The following PALLD variants were observed in gnomAD, a reference collection of about 807,000 sequenced individuals.
PALLD encodes palladin.
Under a neutral mutation model 123.5 loss-of-function variants are expected in PALLD, and 61 were observed. That is an observed-to-expected ratio of 0.49 (90% CI 0.40 to 0.61). The LOEUF is 0.61. Ranked by LOEUF, PALLD falls within the 20% of genes least tolerant of loss-of-function variation. The pLI is 0.00. For missense variants in PALLD, 1,273 were observed against 1,377.0 expected (o/e 0.92, Z 1.20); for synonymous variants, 465 against 496.4 (o/e 0.94, Z 0.84).
intron 11 of PALLD, 64 bp from the exon 12 acceptor site, chr4:168,894,515 A>C (rs1581956225): frequency 4.1e-6 from 4 of 973,150 alleles, no homozygotes; most frequent in South Asian, 1.4e-5. Context: ...ACTCTTTTTC[A>C]TAGGGCAGTA....
At chr4:168,497,871 G>T (rs537694916) in intron 1 of PALLD, among the ~76,000 whole-genome samples, 125 of 152,282 alleles carry the variant, frequency 8.2e-4, no homozygotes, top group Admixed American at 1.5e-3. Flanking sequence ...ACATGAAATT[G>T]TCTTGAATCC....
At chr4:168,613,743 T>C (rs528563647) in intron 2 of PALLD, among the ~76,000 whole-genome samples, 1 of 152,320 alleles carries the variant, frequency 6.6e-6, no homozygotes, top group South Asian at 2.1e-4. Context: ...AGACAGAGTG[T>C]GCCCCAAGTC....
At position 168,926,383 on chromosome 4, in the gene PALLD, T is replaced by A. The variant is rs1762582426; in HGVS notation, c.*203T>A. 6.5e-7 allele frequency: 1 copy of A among 1,536,034 alleles called. No homozygotes were observed. Among genetic ancestry groups the A allele is most frequent in the Non-Finnish European group, 8.7e-7 (1 of 1,145,766 alleles). On this transcript the variant is annotated 3_prime_UTR_variant, in exon 22 of 22. Coordinates refer to ENST00000505667, the MANE Select transcript of PALLD (RefSeq NM_001166108.2). ...TGCCTTGGTAGAAAGTGAGGACCTG[T>A]AATCCAGCATTCTTGTTAAAGCTGA...
intron 2 of PALLD, among the ~76,000 whole-genome samples, chr4:168,535,976 C>T (rs1765050443): frequency 6.6e-6 from 1 of 152,160 alleles, no homozygotes; most frequent in Non-Finnish European, 1.5e-5. Flanking sequence ...ACTCTCAGTA[C>T]CTTGGTGCCG....
chr4:168,738,041 T>C (rs1001844483), intron 10 of PALLD, among the ~76,000 whole-genome samples: 2 of 152,260 alleles, frequency 1.3e-5, no homozygotes, highest in African/African-American at 4.8e-5. Context: ...ACCATTCTTT[T>C]TCATTTTAAA....
chr4:168,830,257 A>G (rs147681251), intron 10 of PALLD, among the ~76,000 whole-genome samples: 22 of 141,512 alleles, frequency 1.6e-4, no homozygotes, highest in Non-Finnish European at 2.9e-4. Context: ...AAAAAAAGTT[A>G]TAGGCTGAGT....
intron 8 of PALLD, among the ~76,000 whole-genome samples, chr4:168,703,185 T>C (rs1455729404): frequency 1.4e-5 from 2 of 146,672 alleles, no homozygotes; most frequent in Admixed American, 1.4e-4. Context: ...TGCGATAGTT[T>C]ACTGAGAATG....
intron 10 of PALLD, among the ~76,000 whole-genome samples, chr4:168,887,116 C>CAAAAAAAAA (rs755173931): frequency 8.5e-5 from 8 of 94,528 alleles, no homozygotes; most frequent in Admixed American, 2.4e-4. Context: ...GACTCTGTCT[C>CAAAAAAAAA]AAAAAAAAAA....
At chr4:168,567,937 ATC>A (rs1217652076) in intron 2 of PALLD, among the ~76,000 whole-genome samples, 2 of 152,086 alleles carry the variant, frequency 1.3e-5, no homozygotes, top group Non-Finnish European at 2.9e-5. Flanking sequence ...TATCCCCTAA[ATC>A]TATAAAGTTT....
At chr4:168,729,264 C>T (rs1205345820) in intron 10 of PALLD, among the ~76,000 whole-genome samples, 2 of 152,052 alleles carry the variant, frequency 1.3e-5, no homozygotes, top group Non-Finnish European at 2.9e-5. Context: ...CTCCTGGGCT[C>T]AAGGGATCCT....
intron 2 of PALLD, among the ~76,000 whole-genome samples, chr4:168,656,082 C>T (rs1158021001): frequency 6.6e-6 from 1 of 152,126 alleles, no homozygotes; most frequent in Non-Finnish European, 1.5e-5. Context: ...TCTGATAAAG[C>T]ATCTCCCATT....
At chr4:168,682,617 A>G (rs1024427222) in intron 4 of PALLD, among the ~76,000 whole-genome samples, 2 of 152,262 alleles carry the variant, frequency 1.3e-5, no homozygotes, top group Admixed American at 1.3e-4. Flanking sequence ...CTAACCCTAA[A>G]CATTTCAAAT....
chr4:168,533,877 G>A (rs1027768921), intron 2 of PALLD, among the ~76,000 whole-genome samples: 20 of 152,308 alleles, frequency 1.3e-4, no homozygotes, highest in African/African-American at 4.8e-4. Context: ...CTCCAAAAAG[G>A]AGAAGGATTT....
intron 2 of PALLD, among the ~76,000 whole-genome samples, chr4:168,606,733 G>A (rs1580544491): frequency 6.7e-6 from 1 of 149,644 alleles, no homozygotes. Flanking sequence ...ACATGTTCTC[G>A]AAAAAGACAA....
At chr4:168,584,991 C>T (rs1292412858) in intron 2 of PALLD, among the ~76,000 whole-genome samples, 4 of 152,084 alleles carry the variant, frequency 2.6e-5, no homozygotes, top group African/African-American at 4.8e-5. Flanking sequence ...ACACCAGTTC[C>T]CATATAACTG....
intron 10 of PALLD, among the ~76,000 whole-genome samples, chr4:168,889,165 TG>T (rs1429738415): frequency 2.1e-4 from 29 of 139,262 alleles, no homozygotes; most frequent in African/African-American, 8.2e-4. Context: ...TGTGTGTGTG[TG>T]GTTTTTTTTT....
At chr4:168,643,214 C>T (rs1158703806) in intron 2 of PALLD, among the ~76,000 whole-genome samples, 1 of 152,204 alleles carries the variant, frequency 6.6e-6, no homozygotes, top group Non-Finnish European at 1.5e-5. Context: ...GAAAAGCAGT[C>T]TGGTTTGCTA....
chr4:168,715,434 GC>G (rs1785255638), intron 10 of PALLD, among the ~76,000 whole-genome samples: 1 of 152,198 alleles, frequency 6.6e-6, no homozygotes. Flanking sequence ...CAACTCAGTG[GC>G]TGACACTCAC....
intron 10 of PALLD, among the ~76,000 whole-genome samples, chr4:168,847,331 A>G (rs1747012420): frequency 6.6e-6 from 1 of 152,222 alleles, no homozygotes; most frequent in Non-Finnish European, 1.5e-5. Context: ...TTAATAAAGA[A>G]TGGTTTATAC....
Sources: gnomAD v4.1 joint callset for allele counts (sites outside exome capture counted in the v4.1 genomes callset) on GRCh38, gnomAD v4.1.1 for gene constraint, MANE v1.5 for transcripts, NCBI Gene and HGNC (gene_info 2026-07-23, HGNC 2026-07-21) for gene names.